L3MBTL1: variants seen among roughly 807,000 people sequenced by gnomAD.
L3MBTL1 encodes the protein lethal(3)malignant brain tumor-like protein 1.
Under a neutral mutation model 105.3 loss-of-function variants are expected in L3MBTL1, and 75 were observed. The observed-to-expected ratio is 0.71, with a 90% CI of 0.59 to 0.86. The LOEUF is 0.86. Ranked by LOEUF, L3MBTL1 falls within the 40% of genes least tolerant of loss-of-function variation. The probability of loss-of-function intolerance (pLI) is 0.00; values close to 1 mark genes in which losing one functional copy is unlikely to be tolerated. For synonymous variants in L3MBTL1, 452 were observed against 436.2 expected, an observed-to-expected ratio of 1.04 and a Z score of -0.45; for missense variants, 1,069 against 1,126.4, an observed-to-expected ratio of 0.95 and a Z score of 0.73.
chr20:43,527,275 G>A (rs2019080759), intron 7 of L3MBTL1, among the ~76,000 whole-genome samples: 1 of 152,216 alleles, frequency 6.6e-6, no homozygotes, highest in Non-Finnish European at 1.5e-5. Context: ...AGAAGCTGGA[G>A]CTATTTACCT....
At chr20:43,509,814 A>G (rs2018083689) in intron 1 of L3MBTL1, among the ~76,000 whole-genome samples, 2 of 152,212 alleles carry the variant, frequency 1.3e-5, no homozygotes, top group African/African-American at 4.8e-5. Flanking sequence ...TTCAGAAGTA[A>G]CCACATTCAC....
At chr20:43,538,206 C>T (rs1354923117) in intron 19 of L3MBTL1, among the ~76,000 whole-genome samples, 1 of 152,190 alleles carries the variant, frequency 6.6e-6, no homozygotes, top group Non-Finnish European at 1.5e-5. Context: ...GCAGTGGGCA[C>T]CTCTTGTACC....
intron 9 of L3MBTL1, 26 bp downstream of exon 9, chr20:43,529,394 TC>T (rs1242911151): frequency 6.8e-7 from 1 of 1,472,846 alleles, no homozygotes; most frequent in Non-Finnish European, 9.4e-7. Flanking sequence ...GTACCACCTT[TC>T]TGATGATGTC....
In L3MBTL1 at chr20:43,536,112, T is replaced by C; in HGVS notation, c.1941T>C (p.Pro647=). 1 of 1,613,378 alleles carries C rather than the reference T, an allele frequency of 6.2e-7. No individual in the cohort carries two copies. Among genetic ancestry groups the C allele is most frequent in the South Asian group, 1.1e-5 (1 of 91,076 alleles). Residue 647 remains proline (P), a synonymous_variant, in exon 18 of 22, where the codon CCT becomes CCC. Coordinates refer to ENST00000418998, the MANE Select transcript of L3MBTL1 (RefSeq NM_001377303.1). ...YSFHHRKCPT[P]GCDGSGHVTG... ...TCTTCCCCAGGAAGTGCCCCACTCCTGGTTGCGACGGCTCTGGCCATGTCA... is the reference window on the plus strand; with the variant it reads ...TCTTCCCCAGGAAGTGCCCCACTCCCGGTTGCGACGGCTCTGGCCATGTCA...
At chr20:43,521,761 C>T (rs2018716820) in intron 7 of L3MBTL1, among the ~76,000 whole-genome samples, 2 of 152,084 alleles carry the variant, frequency 1.3e-5, no homozygotes, top group Non-Finnish European at 2.9e-5. Flanking sequence ...CTGTGTTGCC[C>T]AGACTGGCCT....
At chr20:43,547,827 G>A (rs1436949653) in intron 18 of L3MBTL1, among the ~76,000 whole-genome samples, 1 of 152,206 alleles carries the variant, frequency 6.6e-6, no homozygotes, top group Non-Finnish European at 1.5e-5. Flanking sequence ...AGACCAGTCA[G>A]CAGAAAGAGA....
At chr20:43,512,735 T>C (rs6017096) in intron 1 of L3MBTL1, among the ~76,000 whole-genome samples, 31,598 of 152,192 alleles carry the variant, frequency 0.21, 3,614 homozygotes, top group African/African-American at 0.29. Context: ...AGTAAATAGA[T>C]ATTAAGTATA....
rs115207117 is a variant in L3MBTL1, at chr20:43,527,439, C to T, written c.863-1218C>T. Among the ~76,000 whole-genome samples the T allele has an allele frequency of 2.6e-3, 399 of 152,302 alleles. 3 individuals carry two copies. The highest frequency in any genetic ancestry group is 9.3e-3 in the African/African-American group (386 of 41,550). The stretch of plus-strand genomic sequence containing the variant: ...TCCTCTGTTAGAGGCTAGGACTCCA[C>T]CTCAGGTTAGATTGAAGGTGCTGCA... On this transcript the variant is annotated intron_variant, in intron 7 of 21. Transcript: ENST00000418998.
chr20:43,521,319 AG>A (rs1358487761), intron 7 of L3MBTL1, among the ~76,000 whole-genome samples: 1 of 152,234 alleles, frequency 6.6e-6, no homozygotes, highest in Non-Finnish European at 1.5e-5. Flanking sequence ...TTGTAGTGAA[AG>A]GTCTGACTAG....
intron 5 of L3MBTL1, 43 bp from the exon 6 acceptor site, chr20:43,515,249 T>C: frequency 6.2e-7 from 1 of 1,612,512 alleles, no homozygotes; most frequent in Non-Finnish European, 8.5e-7. Flanking sequence ...GGCTGGGTGG[T>C]GCAGGGCGGG....
Position 43,548,270 on chromosome 20 carries a change from C to T in L3MBTL1, c.*25C>T, listed in dbSNP as rs1326653385. 8.5e-6 allele frequency: 11 copies of T among 1,300,014 alleles called. No homozygotes were observed. In the East Asian group the frequency reaches 5.0e-4, roughly 59 times the overall value. The allele number at this position is 1,300,014 out of a possible 1,614,324, so 80.5% of individuals were successfully genotyped here. ...ACTGGCCCAGGGCTGGGCCCTCCTGCAGCCCCTGCTTGGCCTCCCTCTCCA... is the reference window on the plus strand; with the variant it reads ...ACTGGCCCAGGGCTGGGCCCTCCTGTAGCCCCTGCTTGGCCTCCCTCTCCA... On this transcript the variant is annotated 3_prime_UTR_variant, in exon 19 of 19. Transcript: ENST00000422861.
chr20:43,524,542 A>G (rs191467631), intron 7 of L3MBTL1, among the ~76,000 whole-genome samples: 237 of 152,378 alleles, frequency 1.6e-3, no homozygotes, highest in Non-Finnish European at 1.8e-3. Flanking sequence ...GGGCTGTCAC[A>G]GAACAAACTC....
rs1176856356 is a variant in L3MBTL1 at position 43,522,457 on chromosome 20, G to GTTTT, written c.863-6172_863-6169dup. On this transcript the variant is annotated intron_variant, in intron 7 of 21. Coordinates refer to ENST00000418998, the MANE Select transcript of L3MBTL1 (RefSeq NM_001377303.1). ...TGGTAACTGAATTTTTCCCTGCTAA[G>GTTTT]TTTTTTTTTTTTTTTTTTTTTTTTT... Among the ~76,000 whole-genome samples the GTTTT allele has an allele frequency of 2.7e-3, 258 of 95,746 alleles. 24 individuals carry two copies. The highest frequency in any genetic ancestry group is 4.0e-3 in the Non-Finnish European group (210 of 53,000). The allele number at this position is 95,746 out of a possible 152,430, so 62.8% of individuals were successfully genotyped here.
chr20:43,526,417 A>G (rs2019036173), intron 7 of L3MBTL1, among the ~76,000 whole-genome samples: 1 of 152,208 alleles, frequency 6.6e-6, no homozygotes, highest in African/African-American at 2.4e-5. Context: ...CTACTCAGTA[A>G]GAATGGAGGA....
At position 43,514,760 on chromosome 20, in the gene L3MBTL1, G is replaced by C. The variant is rs1052872860; in HGVS notation, c.486G>C (p.Ala162=). The C allele has an allele frequency of 3.2e-6, 5 of 1,555,052 alleles. No homozygotes were observed. The highest frequency in any genetic ancestry group is 4.4e-6 in the Non-Finnish European group (5 of 1,148,888). ...GGGCCCCGGCGGGAGATGGCGAGGC[G>C]GGCCCCCAACAGGCGGGTAGGAGCC... is the stretch of plus-strand genomic sequence containing the variant. ...DGGAPAGDGE[A]GPQQAEDHPQ... Residue 162 remains alanine, a synonymous_variant, in exon 4 of 22, where the codon GCG becomes GCC. Coordinates refer to ENST00000418998, the MANE Select transcript of L3MBTL1 (RefSeq NM_001377303.1).
intron 7 of L3MBTL1, among the ~76,000 whole-genome samples, chr20:43,522,628 G>A (rs6017100): frequency 0.5 from 74,877 of 150,134 alleles, 19,194 homozygotes; most frequent in African/African-American, 0.62. Context: ...GCACACCACC[G>A]TGCCTGGCTA....
intron 7 of L3MBTL1, among the ~76,000 whole-genome samples, chr20:43,523,978 G>A (rs1460930319): frequency 7.0e-6 from 1 of 143,272 alleles, no homozygotes; most frequent in East Asian, 2.0e-4. Flanking sequence ...CTGGGTGACA[G>A]TGAGACTCCA....
chr20:43,540,289 C>T lies in L3MBTL1; in HGVS notation c.2312C>T (p.Ala771Val). ...GCGGGCATCTCAGCCTCGACAGTCG[C>T]CAAGTGGACCATCGATGAGGTGAGG... The part of the protein sequence containing the change: ...GVAGISASTV[A>V]KWTIDEVFGF... Residue 771 changes from alanine to valine, a missense_variant, in exon 20 of 22, where the codon GCC becomes GTC. By Grantham distance (64) the Ala-to-Val change is moderately conservative. Coordinates refer to ENST00000418998, the MANE Select transcript of L3MBTL1 (RefSeq NM_001377303.1). 6.2e-7 allele frequency: 1 copy of T among 1,613,756 alleles called. No homozygotes were observed. Among genetic ancestry groups the T allele is most frequent in the African/African-American group, 1.3e-5 (1 of 75,040 alleles).
At chr20:43,536,335 T>G (rs751320514) in intron 18 of L3MBTL1, 41 bp downstream of exon 18, 10 of 1,611,370 alleles carry the variant, frequency 6.2e-6, no homozygotes, top group Non-Finnish European at 7.6e-6. Context: ...TTCCTGGGGG[T>G]GTGGGGCCTT....
Sources: gnomAD v4.1 joint callset for allele counts (sites outside exome capture counted in the v4.1 genomes callset) on GRCh38, gnomAD v4.1.1 for gene constraint, MANE v1.5 for transcripts, NCBI Gene and HGNC (gene_info 2026-07-23, HGNC 2026-07-21) for gene names.